Variants in DMD observed in about 807,000 individuals in gnomAD.
DMD encodes mutant dystrophin.
Under a neutral mutation model 330.1 loss-of-function variants are expected in DMD, and 63 were observed. That is an observed-to-expected ratio of 0.19 (90% CI 0.16 to 0.24). The LOEUF is 0.24. Among genes scored for constraint, DMD ranks in the 10% least tolerant of loss-of-function variants. DMD has a pLI of 1.00. For synonymous variants in DMD, 1,223 were observed against 959.8 expected, an observed-to-expected ratio of 1.27 and a Z score of -5.07; for missense variants, 3,344 against 2,684.1, an observed-to-expected ratio of 1.25 and a Z score of -5.43.
chrX:33,231,164 G>T (rs1041106500), intron 1 of DMD, among the ~76,000 whole-genome samples: 2 of 111,378 alleles, frequency 1.8e-5, no homozygotes, highest in African/African-American at 3.3e-5. Context: ...TGCGTGGAGT[G>T]ACTTACACAT....
intron 51 of DMD, among the ~76,000 whole-genome samples, chrX:31,738,316 T>C (rs1419824381): frequency 8.9e-6 from 1 of 112,086 alleles, no homozygotes; most frequent in East Asian, 2.8e-4. Context: ...TATGAAAAGG[T>C]GCTCAACATC....
chrX:32,851,668 G>A (rs992184239), intron 2 of DMD, among the ~76,000 whole-genome samples: 5 of 112,458 alleles, frequency 4.4e-5, no homozygotes, highest in Admixed American at 1.9e-4. Context: ...AGGAAAGACA[G>A]TTACGAATTG....
chrX:31,425,198 T>A (rs1342830692), intron 60 of DMD, among the ~76,000 whole-genome samples: 1 of 111,995 alleles, frequency 8.9e-6, no homozygotes, highest in African/African-American at 3.2e-5. Context: ...AGCTTGCAAT[T>A]CCATATACAG....
intron 56 of DMD, among the ~76,000 whole-genome samples, chrX:31,500,841 A>C (rs1043981239): frequency 5.3e-5 from 6 of 112,203 alleles, no homozygotes; most frequent in African/African-American, 1.9e-4. Context: ...AGATATGGGA[A>C]ATAGAAATTA....
At chrX:31,569,003 C>T (rs772669134) in intron 55 of DMD, among the ~76,000 whole-genome samples, 36 of 111,346 alleles carry the variant, frequency 3.2e-4, no homozygotes, top group African/African-American at 1.0e-3. Flanking sequence ...CTTCAGGTGA[C>T]GTGTAGAAGG....
intron 52 of DMD, among the ~76,000 whole-genome samples, chrX:31,714,432 A>T (rs778515028): frequency 4.5e-5 from 5 of 112,227 alleles, no homozygotes; most frequent in African/African-American, 1.6e-4. Context: ...ATAGAATAAC[A>T]ATTTTATTAA....
intron 60 of DMD, among the ~76,000 whole-genome samples, chrX:31,403,527 T>G (rs2061283414): frequency 8.9e-6 from 1 of 112,272 alleles, no homozygotes; most frequent in South Asian, 3.7e-4. Flanking sequence ...TCAAGGAGTT[T>G]CCTTTCAGTT....
At chrX:32,329,797 TC>T (rs1357715422) in intron 41 of DMD, among the ~76,000 whole-genome samples, 1 of 112,541 alleles carries the variant, frequency 8.9e-6, no homozygotes, top group Non-Finnish European at 1.9e-5. Flanking sequence ...TCTGGAACTT[TC>T]CCCAGTTAAT....
chrX:32,965,804 T>A (rs1024879996), intron 2 of DMD, among the ~76,000 whole-genome samples: 15 of 111,352 alleles, frequency 1.3e-4, no homozygotes, highest in African/African-American at 5.0e-4. Context: ...ATGTCTTAAG[T>A]TATCCCCTTT....
chrX:32,438,354 G>T lies in DMD; in HGVS notation c.3958C>A (p.Pro1320Thr). 8.3e-7 allele frequency: 1 copy of T among 1,211,024 alleles called. No homozygotes were observed. Among genetic ancestry groups the T allele is most frequent in the Non-Finnish European group, 1.1e-6 (1 of 895,155 alleles). ...ENLMRHSEDN[P>T]NQIRILAQTL... Reference sequence around the variant, plus strand: ...TGTGCCAATATGCGAATCTGATTTGGGTTATCCTCTGAATGTCGCATCAAA... The same window carrying T: ...TGTGCCAATATGCGAATCTGATTTGTGTTATCCTCTGAATGTCGCATCAAA... Residue 1320 changes from proline (P) to threonine (T), a missense_variant, in exon 29 of 79, where the codon CCA becomes ACA. Coordinates refer to ENST00000357033, the MANE Select transcript of DMD (RefSeq NM_004006.3).
intron 15 of DMD, among the ~76,000 whole-genome samples, chrX:32,572,855 A>G (rs2052584251): frequency 9.0e-6 from 1 of 111,290 alleles, no homozygotes; most frequent in African/African-American, 3.3e-5. Flanking sequence ...AATCCCTTTC[A>G]TGATGAGTCA....
rs142109554 is a variant in DMD, at chrX:32,803,596, G to C, written c.649+5897C>G. On this transcript the variant is annotated intron_variant, in intron 7 of 78. Transcript: ENST00000357033. ...TCCCACTTTCTCCTGTGGGCATTTA[G>C]TGCTATAAATTTCCCTCTTCTAAAC... Among the ~76,000 whole-genome samples, 1,018 of 111,652 alleles carry C rather than the reference G, an allele frequency of 9.1e-3. 33 individuals are homozygous for C. Among genetic ancestry groups the C allele is most frequent in the Admixed American group, 0.086 (910 of 10,539 alleles).
chrX:31,781,641 A>G (rs1056157660), intron 50 of DMD, among the ~76,000 whole-genome samples: 4 of 110,749 alleles, frequency 3.6e-5, no homozygotes, highest in Non-Finnish European at 7.6e-5. Context: ...GTGCCCTTCT[A>G]TAACTAACAT....
chrX:32,033,401 A>AT (rs995430548), intron 44 of DMD, among the ~76,000 whole-genome samples: 1 of 109,637 alleles, frequency 9.1e-6, no homozygotes, highest in African/African-American at 3.3e-5. Flanking sequence ...ACACAGTAAA[A>AT]TTTTTTTTAA....
chrX:32,609,136 TTTTGA>T (rs1481221467), intron 12 of DMD, among the ~76,000 whole-genome samples: 2 of 110,628 alleles, frequency 1.8e-5, no homozygotes, highest in African/African-American at 6.5e-5. Flanking sequence ...GTCCTATTGG[TTTTGA>T]TTTGATATCC....
At chrX:31,815,157 A>C (rs1347379322) in intron 50 of DMD, among the ~76,000 whole-genome samples, 1 of 112,189 alleles carries the variant, frequency 8.9e-6, no homozygotes, top group Admixed American at 9.4e-5. Context: ...CTTTTCAGAG[A>C]TGCAAGTCTT....
intron 44 of DMD, among the ~76,000 whole-genome samples, chrX:32,196,360 T>C (rs937679326): frequency 8.9e-6 from 1 of 112,300 alleles, no homozygotes; most frequent in African/African-American, 3.2e-5. Flanking sequence ...GCTCCAGATA[T>C]AAGCCTGAAA....
intron 59 of DMD, among the ~76,000 whole-genome samples, chrX:31,458,184 C>T (rs1603082572): frequency 9.0e-6 from 1 of 111,140 alleles, no homozygotes; most frequent in African/African-American, 3.3e-5. Context: ...GTATTCATTT[C>T]TGAGCAATGT....
At chrX:32,310,867 C>A (rs182605832) in intron 41 of DMD, among the ~76,000 whole-genome samples, 1 of 110,859 alleles carries the variant, frequency 9.0e-6, no homozygotes, top group Non-Finnish European at 1.9e-5. Flanking sequence ...GCTAATGAAG[C>A]TGCTATATGA....
Sources: allele counts gnomAD v4.1 joint callset (sites outside exome capture counted in the v4.1 genomes callset), GRCh38; gene constraint gnomAD v4.1.1; transcripts MANE v1.5; gene names NCBI Gene and HGNC (gene_info 2026-07-23, HGNC 2026-07-21).